C6orf132: variants seen among roughly 807,000 people sequenced by gnomAD.
The protein encoded by C6orf132 is uncharacterized protein C6orf132.
In C6orf132, 43 loss-of-function variants were observed where a neutral mutation model predicts 65.3. The ratio of observed to expected loss-of-function variants is 0.66; its 90% CI spans 0.52 to 0.85. The LOEUF is 0.85. Ranked by LOEUF, C6orf132 falls within the 40% of genes least tolerant of loss-of-function variation. The pLI, the probability that C6orf132 is intolerant of heterozygous loss-of-function variation, is 0.00. For missense variants in C6orf132, 1,488 were observed against 1,548.8 expected (o/e 0.96, Z 0.66); for synonymous variants, 631 against 654.1 (o/e 0.96, Z 0.54).
rs1420333733 is a variant in C6orf132 at position 42,106,327 on chromosome 6, C to G, written c.1585G>C (p.Glu529Gln). Reference sequence around the variant, plus strand: ...AGGCTGCTGCCGCCAAGACTCTTTTCAGGAACACCTGGGGGAGTGTCCTTT... The same window carrying G: ...AGGCTGCTGCCGCCAAGACTCTTTTGAGGAACACCTGGGGGAGTGTCCTTT... ...PAKDTPPGVP[E>Q]KSLGGSSLTE... Residue 529 changes from glutamate (E) to glutamine (Q), a missense_variant, in exon 4 of 5, where the codon GAA becomes CAA. Transcript: ENST00000341865. 1.1e-5 allele frequency: 17 copies of G among 1,536,742 alleles called. No individual in the cohort carries two copies. Among genetic ancestry groups the G allele is most frequent in the Non-Finnish European group, 1.4e-5 (16 of 1,146,878 alleles).
chr6:42,110,474 A>C (rs1237023093), intron 2 of C6orf132, among the ~76,000 whole-genome samples, 183 bp from the exon 3 acceptor site: 3 of 152,226 alleles, frequency 2.0e-5, no homozygotes, highest in Non-Finnish European at 4.4e-5. Flanking sequence ...GGTACAGTCA[A>C]CCAATCATCA....
intron 2 of C6orf132, among the ~76,000 whole-genome samples, chr6:42,118,386 G>C (rs529290181): frequency 2.0e-3 from 301 of 152,308 alleles, no homozygotes; most frequent in Non-Finnish European, 2.9e-3. Flanking sequence ...GCTGCAGTCA[G>C]CTGGGGAGCC....
chr6:42,105,898 G>C lies in C6orf132; in HGVS notation c.2014C>G (p.Pro672Ala). 1 of 1,537,098 alleles carries C rather than the reference G, an allele frequency of 6.5e-7. No homozygotes were observed. The highest frequency in any genetic ancestry group is 8.7e-7 in the Non-Finnish European group (1 of 1,146,848). The change falls in exon 4 of 5, where the codon CCA becomes GCA. Residue 672 changes from proline (P) to alanine (A), a missense_variant. Transcript: ENST00000341865. ...GTTGGCCCAGATGTGGCCTTGAGTG[G>C]TGTGGCTGGCCCAAGTGTGGCCTTG... The part of the protein sequence containing the change: ...PPKATLGPAT[P>A]LKATSGPTTP...
At chr6:42,130,320 AGGG>A (rs908442448) in intron 1 of C6orf132, among the ~76,000 whole-genome samples, 5 of 152,210 alleles carry the variant, frequency 3.3e-5, no homozygotes, top group African/African-American at 9.7e-5. Flanking sequence ...GGCATGCGGG[AGGG>A]GAGCTGTAAG....
intron 2 of C6orf132, among the ~76,000 whole-genome samples, chr6:42,116,368 C>T (rs1369128066): frequency 1.3e-5 from 2 of 152,090 alleles, no homozygotes; most frequent in African/African-American, 2.4e-5. Flanking sequence ...GGTCCCACAG[C>T]GAGTTATGGA....
chr6:42,133,572 C>A (rs1766889748), intron 1 of C6orf132, among the ~76,000 whole-genome samples: 1 of 152,124 alleles, frequency 6.6e-6, no homozygotes, highest in African/African-American at 2.4e-5. Flanking sequence ...ACCCCAGCAG[C>A]AGGTTCTGAG....
In C6orf132 at chr6:42,101,423, T is replaced by C. The variant is rs1766279623; in HGVS notation, c.*2338A>G. ...CAATCCTCTTCCACCAGACAGACTA[T>C]TAGCTTGCCATGAACAGGAGTCATG... On this transcript the variant is annotated 3_prime_UTR_variant, in exon 5 of 5. Transcript: ENST00000341865. 6.6e-6 allele frequency: 1 copy of C among 152,270 alleles called. No individual in the cohort carries two copies. Among genetic ancestry groups the C allele is most frequent in the African/African-American group, 2.4e-5 (1 of 41,462 alleles). The allele number at this position is 152,270 out of a possible 1,614,324, so 9.4% of individuals were successfully genotyped here.
At position 42,104,619 on chromosome 6, in the gene C6orf132, C is replaced by T. The variant is rs931848033; in HGVS notation, c.3293G>A (p.Gly1098Asp). The T allele has an allele frequency of 1.9e-5, 26 of 1,376,682 alleles. No homozygotes were observed. Among genetic ancestry groups the T allele is most frequent in the Non-Finnish European group, 2.4e-5 (26 of 1,071,288 alleles). 85.3% of individuals were successfully genotyped at this position (1,376,682 alleles called of 1,614,324 possible). The change falls in exon 4 of 5, where the codon GGC becomes GAC. Residue 1098 changes from glycine to aspartate, a missense_variant. Gly to Asp is a moderately conservative substitution (Grantham distance 94). Transcript: ENST00000341865. The surrounding 1 kb of genome is among the most constrained non-coding windows in gnomAD (Gnocchi z 4.1). ...SPNCFGPQPG[G>D]PEMRRVNSAG... is the part of the protein sequence containing the mutation. ...CGAGTTCACGCGCCGCATCTCGGGG[C>T]CTCCGGGCTGCGGCCCGAAGCAGTT...
chr6:42,128,805 A>G, intron 1 of C6orf132, 27 bp from the exon 2 acceptor site: 1 of 1,515,582 alleles, frequency 6.6e-7, no homozygotes, highest in Non-Finnish European at 9.0e-7. Context: ...AGGGGACACC[A>G]TAAGCTGGAG....
At chr6:42,127,925 CTCT>C (rs1335437414) in intron 2 of C6orf132, among the ~76,000 whole-genome samples, 2 of 145,814 alleles carry the variant, frequency 1.4e-5, no homozygotes, top group East Asian at 4.0e-4. Context: ...TGCAATGACA[CTCT>C]TTTTTTTTTT....
intron 1 of C6orf132, among the ~76,000 whole-genome samples, chr6:42,134,079 G>A (rs553372444): frequency 1.3e-5 from 2 of 152,242 alleles, no homozygotes; most frequent in African/African-American, 4.8e-5. Flanking sequence ...GGGCTGTGAG[G>A]AGACCATGGC....
chr6:42,106,916 C>G lies in C6orf132; in HGVS notation c.996G>C (p.Lys332Asn). ...GCAGTGGGAGTCGGCTGGGAGCCTT[C>G]TTGGTGGCCCCCTCTTCCTTTCGGG... ...EAPRKEEGAT[K>N]KAPSRLPLPP... The change falls in exon 4 of 5, where the codon AAG (lysine) becomes AAC (asparagine). Residue 332 changes from lysine (K) to asparagine (N), a missense_variant. By Grantham distance (94) the Lys-to-Asn change is moderately conservative. Transcript: ENST00000341865. 1 of 1,536,092 alleles carries G rather than the reference C, an allele frequency of 6.5e-7. No individual in the cohort carries two copies.
In C6orf132 at chr6:42,142,289, G is replaced by T; in HGVS notation, c.145+11C>A. On this transcript the variant is annotated intron_variant, in intron 1 of 4. Coordinates refer to ENST00000341865, the MANE Select transcript of C6orf132 (RefSeq NM_001164446.3). ...CCCCGCCCCAGCGCCCTCCGTCCCC[G>T]GAGTACTCACCGAAGCCCCCGGTCC... is the stretch of plus-strand genomic sequence containing the variant. 1 of 1,548,874 alleles carries T rather than the reference G, an allele frequency of 6.5e-7. No individual in the cohort carries two copies. Among genetic ancestry groups the T allele is most frequent in the South Asian group, 1.2e-5 (1 of 83,930 alleles).
intron 2 of C6orf132, among the ~76,000 whole-genome samples, chr6:42,122,024 C>T (rs1766693247): frequency 6.6e-6 from 1 of 152,150 alleles, no homozygotes; most frequent in Non-Finnish European, 1.5e-5. Flanking sequence ...CTGTGTGTAT[C>T]CTGCAGAGCA....
chr6:42,129,155 A>G (rs958694413), intron 1 of C6orf132, among the ~76,000 whole-genome samples: 1 of 152,224 alleles, frequency 6.6e-6, no homozygotes, highest in African/African-American at 2.4e-5. Context: ...GAGGGAGGAA[A>G]ACAAGCTGGC....
chr6:42,126,072 GTTTTGTTTTTGTT>G (rs547495973), intron 2 of C6orf132, among the ~76,000 whole-genome samples: 1,982 of 152,190 alleles, frequency 0.013, 17 homozygotes, highest in Middle Eastern at 0.034. Context: ...AAGTATTTCT[GTTTTGTTTTTGTT>G]TTTTGTTTTT....
At chr6:42,141,187 T>G (rs1375702183) in intron 1 of C6orf132, among the ~76,000 whole-genome samples, 1 of 152,240 alleles carries the variant, frequency 6.6e-6, no homozygotes, top group East Asian at 1.9e-4. Flanking sequence ...CTATCCATGG[T>G]GCCTTGTGTC....
intron 1 of C6orf132, 120 bp downstream of exon 1, chr6:42,142,180 C>A (rs1260632886): frequency 4.2e-6 from 5 of 1,184,574 alleles, no homozygotes; most frequent in Admixed American, 2.5e-5. Flanking sequence ...CGGCTGCTCT[C>A]GGCCAGTCCG....
chr6:42,122,592 C>G (rs952817091), intron 2 of C6orf132, among the ~76,000 whole-genome samples: 3 of 152,192 alleles, frequency 2.0e-5, no homozygotes, highest in African/African-American at 7.2e-5. Flanking sequence ...CCACACCCCT[C>G]AACCCTTTGG....
Sources: gnomAD v4.1 joint callset for allele counts (sites outside exome capture counted in the v4.1 genomes callset) on GRCh38, gnomAD v4.1.1 for gene constraint, Gnocchi (gnomAD v3.1) non-coding constraint, MANE v1.5 for transcripts, NCBI Gene and HGNC (gene_info 2026-07-23, HGNC 2026-07-21) for gene names.